The following UNC5C variants were observed in gnomAD, a reference collection of about 807,000 sequenced individuals.
UNC5C encodes the protein netrin receptor UNC5C.
In UNC5C, 47 loss-of-function variants were observed where a neutral mutation model predicts 99.8. That is an observed-to-expected ratio of 0.47 (90% CI 0.37 to 0.60). UNC5C has a LOEUF of 0.60. Ranked by LOEUF, UNC5C falls within the 20% of genes least tolerant of loss-of-function variation. The pLI is 0.00. For missense variants in UNC5C, 1,062 were observed against 1,165.9 expected (o/e 0.91, Z 1.30); for synonymous variants, 487 against 452.2 (o/e 1.08, Z -0.98).
intron 1 of UNC5C, among the ~76,000 whole-genome samples, chr4:95,491,904 G>T (rs902545975): frequency 6.6e-6 from 1 of 151,502 alleles, no homozygotes; most frequent in Non-Finnish European, 1.5e-5. Context: ...TTGTTTGGGA[G>T]CATCAAGGAC....
At chr4:95,201,141 A>T (rs1403116895) in intron 12 of UNC5C, among the ~76,000 whole-genome samples, 1 of 152,112 alleles carries the variant, frequency 6.6e-6, no homozygotes, top group Middle Eastern at 3.2e-3. Flanking sequence ...GTGAGAAATA[A>T]GTTTGTTGTT....
chr4:95,483,559 A>C (rs1440556722), intron 1 of UNC5C, among the ~76,000 whole-genome samples: 1 of 151,812 alleles, frequency 6.6e-6, no homozygotes, highest in Non-Finnish European at 1.5e-5. Flanking sequence ...CTAAGAATGA[A>C]TTTAGTAAGG....
chr4:95,387,613 A>G (rs1326125586), intron 1 of UNC5C, among the ~76,000 whole-genome samples: 2 of 152,224 alleles, frequency 1.3e-5, no homozygotes, highest in Non-Finnish European at 2.9e-5. Context: ...AAAGGTTTTT[A>G]AAATAATGCA....
At chr4:95,258,030 T>C (rs1333229257) in intron 4 of UNC5C, among the ~76,000 whole-genome samples, 2 of 152,230 alleles carry the variant, frequency 1.3e-5, no homozygotes, top group Non-Finnish European at 2.9e-5. Flanking sequence ...AACATACAAT[T>C]TAAAACATAT....
chr4:95,279,484 T>C (rs6532544), intron 3 of UNC5C, among the ~76,000 whole-genome samples: 90,197 of 151,930 alleles, frequency 0.59, 26,850 homozygotes, highest in East Asian at 0.84. Flanking sequence ...GAATACCATA[T>C]AATTATTTTG....
At chr4:95,183,432 C>T (rs1736697922) in intron 13 of UNC5C, among the ~76,000 whole-genome samples, 1 of 152,106 alleles carries the variant, frequency 6.6e-6, no homozygotes, top group Admixed American at 6.5e-5. Context: ...CTTGCACACA[C>T]CAGCCATTGC....
At chr4:95,275,021 G>A (rs1428624291) in intron 4 of UNC5C, among the ~76,000 whole-genome samples, 1 of 61,396 alleles carries the variant, frequency 1.6e-5, no homozygotes, top group Admixed American at 1.3e-4. Context: ...GCAAGACTCC[G>A]TGTCAAACAA....
At chr4:95,262,271 A>G (rs1203312333) in intron 4 of UNC5C, among the ~76,000 whole-genome samples, 1 of 152,308 alleles carries the variant, frequency 6.6e-6, no homozygotes, top group Non-Finnish European at 1.5e-5. Context: ...ATGTCAAATG[A>G]TGGGTCACTG....
chr4:95,525,888 T>C (rs932258891), intron 1 of UNC5C, among the ~76,000 whole-genome samples: 1 of 152,170 alleles, frequency 6.6e-6, no homozygotes, highest in Non-Finnish European at 1.5e-5. Context: ...TAACAAATCT[T>C]AATTTCTAGG....
At chr4:95,360,053 T>G (rs2149434195) in intron 1 of UNC5C, among the ~76,000 whole-genome samples, 1 of 152,164 alleles carries the variant, frequency 6.6e-6, no homozygotes, top group South Asian at 2.1e-4. Context: ...TACATAGACT[T>G]AGAGAACCAT....
At chr4:95,320,438 AGAAAAG>A (rs768215697) in intron 2 of UNC5C, among the ~76,000 whole-genome samples, 1,875 of 123,786 alleles carry the variant, frequency 0.015, 11 homozygotes, top group Non-Finnish European at 0.023. Context: ...AAAAAAAAAA[AGAAAAG>A]AAAAGAAAAG....
chr4:95,457,949 T>A (rs1384042086), intron 1 of UNC5C, among the ~76,000 whole-genome samples: 2 of 152,148 alleles, frequency 1.3e-5, no homozygotes, highest in African/African-American at 2.4e-5. Context: ...TAACCCATTC[T>A]GTTCTATAGA....
chr4:95,243,043 A>C (rs188070292), intron 6 of UNC5C, among the ~76,000 whole-genome samples: 113 of 152,306 alleles, frequency 7.4e-4, no homozygotes, highest in South Asian at 2.7e-3. Context: ...TGGAGAAGAA[A>C]TCTATCCAAC....
intron 1 of UNC5C, among the ~76,000 whole-genome samples, chr4:95,412,986 A>G (rs1746042415): frequency 6.6e-6 from 1 of 152,190 alleles, no homozygotes; most frequent in African/African-American, 2.4e-5. Context: ...GACTTCCTTC[A>G]CTTCTGCGAA....
intron 1 of UNC5C, among the ~76,000 whole-genome samples, chr4:95,457,565 G>A (rs1054810854): frequency 6.6e-6 from 1 of 152,004 alleles, no homozygotes; most frequent in Non-Finnish European, 1.5e-5. Context: ...CTACACTCAC[G>A]TTTCCCATTT....
intron 8 of UNC5C, among the ~76,000 whole-genome samples, chr4:95,219,608 C>T (rs531186706): frequency 7.6e-4 from 115 of 152,236 alleles, no homozygotes; most frequent in Admixed American, 2.4e-3. Context: ...CACTAGGTGA[C>T]GATTAGCTAT....
chr4:95,392,357 T>A (rs2149445419), intron 1 of UNC5C, among the ~76,000 whole-genome samples: 1 of 152,186 alleles, frequency 6.6e-6, no homozygotes, highest in East Asian at 1.9e-4. Flanking sequence ...TACTCAGTTT[T>A]AAAATGGCAC....
At chr4:95,170,976 G>A (rs1218658707) in intron 14 of UNC5C, among the ~76,000 whole-genome samples, 1 of 152,208 alleles carries the variant, frequency 6.6e-6, no homozygotes, top group Admixed American at 6.5e-5. Context: ...TCCAATTGCT[G>A]TATATCCTTA....
At chr4:95,185,372 C>A (rs949103538) in intron 12 of UNC5C, among the ~76,000 whole-genome samples, 176 bp from the exon 13 acceptor site, 2 of 152,168 alleles carry the variant, frequency 1.3e-5, no homozygotes, top group Non-Finnish European at 2.9e-5. Context: ...TAAAGCCCCT[C>A]CCATTTTGTA....
Sources: allele counts gnomAD v4.1 joint callset (sites outside exome capture counted in the v4.1 genomes callset), GRCh38; gene constraint gnomAD v4.1.1; transcripts MANE v1.5; gene names NCBI Gene and HGNC (gene_info 2026-07-23, HGNC 2026-07-21).